The following CDK17 variants were observed in gnomAD, a reference collection of about 807,000 sequenced individuals.
CDK17 encodes cyclin dependent kinase 17.
CDK17 carries 24 observed loss-of-function variants against 77.6 expected under a neutral mutation model. The ratio of observed to expected loss-of-function variants is 0.31; its 90% CI spans 0.22 to 0.44. The LOEUF (loss-of-function observed/expected upper bound fraction) is 0.44, where lower values mean the gene tolerates loss of function less well. CDK17 is among the 20% of genes least tolerant of loss of function. CDK17 has a pLI of 1.00. For missense variants in CDK17, 429 were observed against 622.5 expected, an observed-to-expected ratio of 0.69 and a Z score of 3.31; for synonymous variants, 203 against 210.4, an observed-to-expected ratio of 0.96 and a Z score of 0.30.
chr12:96,280,843 T>C lies in CDK17; in HGVS notation c.1499A>G (p.Asp500Gly). The change falls in exon 16 of 17, where the codon GAC becomes GGC. Residue 500 changes from aspartate (D) to glycine (G), a missense_variant. By Grantham distance (94) the Asp-to-Gly change is moderately conservative. Coordinates refer to ENST00000261211, the MANE Select transcript of CDK17 (RefSeq NM_002595.5). ...ATAAGAAGAATTTCGAAAACCCGGG[T>C]CCTTTTGCAACTGAATCTCTTTCAA... is the stretch of plus-strand genomic sequence containing the variant. ...FSLKEIQLQK[D>G]PGFRNSSYPE... 1.9e-6 allele frequency: 3 copies of C among 1,613,770 alleles called. No homozygotes were observed. Among genetic ancestry groups the C allele is most frequent in the Non-Finnish European group, 2.5e-6 (3 of 1,179,830 alleles).
At chr12:96,398,137 G>GT (rs11432005) in intron 1 of CDK17, among the ~76,000 whole-genome samples, 68,716 of 150,940 alleles carry the variant, frequency 0.46, 16,592 homozygotes, top group African/African-American at 0.62. Context: ...AAAGACTCCC[G>GT]TTTTTTTTTA....
intron 1 of CDK17, among the ~76,000 whole-genome samples, chr12:96,380,293 T>G (rs1439335826): frequency 4.0e-5 from 6 of 151,230 alleles, no homozygotes; most frequent in African/African-American, 7.3e-5. Context: ...GTTTTTTTTT[T>G]TTTTTTTGAG....
At chr12:96,310,800 AG>A (rs1415400898) in intron 5 of CDK17, among the ~76,000 whole-genome samples, 1 of 150,382 alleles carries the variant, frequency 6.6e-6, no homozygotes, top group Non-Finnish European at 1.5e-5. Context: ...TTATCTACCT[AG>A]CATGTATTAA....
chr12:96,359,876 AC>A (rs1953466214), intron 1 of CDK17, among the ~76,000 whole-genome samples: 1 of 152,226 alleles, frequency 6.6e-6, no homozygotes, highest in Non-Finnish European at 1.5e-5. Context: ...AGAAATATTT[AC>A]TTTTTCCTCT....
At position 96,329,594 on chromosome 12, in the gene CDK17, T is replaced by A. The variant is rs114024805; in HGVS notation, c.118+5125A>T. 3.5e-3 allele frequency among the ~76,000 whole-genome samples: 534 copies of A among 152,324 alleles called. 2 individuals are homozygous for A. Among genetic ancestry groups the A allele is most frequent in the African/African-American group, 0.011 (458 of 41,576 alleles). Reference sequence around the variant, plus strand: ...ATTACTAGCCTGATCCCATTCTAGATCCTACATATATCCAATGGAGTTTAT... The same window carrying A: ...ATTACTAGCCTGATCCCATTCTAGAACCTACATATATCCAATGGAGTTTAT... On this transcript the variant is annotated intron_variant, in intron 2 of 16. Coordinates refer to ENST00000261211, the MANE Select transcript of CDK17 (RefSeq NM_002595.5).
chr12:96,344,825 T>C (rs1953177127), intron 1 of CDK17, among the ~76,000 whole-genome samples: 1 of 152,190 alleles, frequency 6.6e-6, no homozygotes, highest in African/African-American at 2.4e-5. Flanking sequence ...AATTATTTTA[T>C]TGTTGTTGTT....
At chr12:96,303,500 C>T (rs1952535525) in intron 5 of CDK17, 1 of 152,012 alleles carries the variant, frequency 6.6e-6, no homozygotes, top group Admixed American at 6.5e-5. Flanking sequence ...ATGATACTAT[C>T]ACTGCTCAAA....
At chr12:96,366,590 CTTGT>C (rs1394251748) in intron 1 of CDK17, among the ~76,000 whole-genome samples, 3 of 152,142 alleles carry the variant, frequency 2.0e-5, no homozygotes, top group Non-Finnish European at 2.9e-5. Context: ...GTACCTCATG[CTTGT>C]TTAAATTGTT....
At chr12:96,398,854 G>A (rs1213639208) in intron 1 of CDK17, among the ~76,000 whole-genome samples, 1 of 152,160 alleles carries the variant, frequency 6.6e-6, no homozygotes, top group African/African-American at 2.4e-5. Flanking sequence ...TGACCAACGA[G>A]GTGTCTTTGG....
chr12:96,290,030 A>C (rs1952302693), intron 10 of CDK17, among the ~76,000 whole-genome samples: 1 of 152,236 alleles, frequency 6.6e-6, no homozygotes, highest in Admixed American at 6.5e-5. Flanking sequence ...ACCTTTAAAA[A>C]AAAAAATCGC....
chr12:96,367,844 C>A lies in CDK17; in HGVS notation c.-30+32142G>T, dbSNP rs1204325645. The stretch of plus-strand genomic sequence containing the variant: ...CAGCCTGGACAACACAGCAAGTCCT[C>A]ATCTCTACTTAAAAAAAAAAAAAAA... On this transcript the variant is annotated intron_variant, in intron 1 of 16. Transcript: ENST00000261211. Among the ~76,000 whole-genome samples the A allele has an allele frequency of 5.6e-5, 8 of 143,934 alleles. No individual in the cohort carries two copies. In the East Asian group the frequency reaches 1.7e-3, roughly 30 times the overall value. The allele number at this position is 143,934 out of a possible 152,430, so 94.4% of individuals were successfully genotyped here. A position where few individuals can be genotyped will look rare whatever the true frequency, so the allele number is the denominator to read the frequency against.
intron 1 of CDK17, among the ~76,000 whole-genome samples, chr12:96,352,114 AG>A (rs1012789295): frequency 2.0e-5 from 3 of 152,180 alleles, no homozygotes; most frequent in African/African-American, 7.2e-5. Context: ...AGACTTTTCA[AG>A]GGGAACACGG....
At chr12:96,347,998 A>G (rs1953250045) in intron 1 of CDK17, among the ~76,000 whole-genome samples, 1 of 152,206 alleles carries the variant, frequency 6.6e-6, no homozygotes, top group Admixed American at 6.5e-5. Flanking sequence ...ACCCTCATGC[A>G]AATGAAAACA....
chr12:96,361,676 G>C (rs1024259519), intron 1 of CDK17, among the ~76,000 whole-genome samples: 2 of 152,102 alleles, frequency 1.3e-5, no homozygotes, highest in African/African-American at 4.8e-5. Flanking sequence ...ACCAAACTTT[G>C]AAAGAATGAC....
intron 1 of CDK17, among the ~76,000 whole-genome samples, chr12:96,366,103 C>A (rs1356792742): frequency 1.3e-5 from 2 of 152,154 alleles, no homozygotes; most frequent in Non-Finnish European, 2.9e-5. Context: ...GAAGAGATTT[C>A]AGACACCGGG....
chr12:96,368,799 T>C (rs1953635110), intron 1 of CDK17, among the ~76,000 whole-genome samples: 1 of 14,640 alleles, frequency 6.8e-5, no homozygotes, highest in South Asian at 4.0e-3. Flanking sequence ...AAGAAGCTAC[T>C]CTAAGACGGG....
chr12:96,293,950 GA>G (rs1175511468), intron 10 of CDK17, among the ~76,000 whole-genome samples: 1 of 152,138 alleles, frequency 6.6e-6, no homozygotes, highest in Admixed American at 6.6e-5. Flanking sequence ...TCTTTTCCTT[GA>G]AATGATAGGC....
At chr12:96,344,888 A>G (rs944382292) in intron 1 of CDK17, among the ~76,000 whole-genome samples, 2 of 152,062 alleles carry the variant, frequency 1.3e-5, no homozygotes, top group East Asian at 1.9e-4. Context: ...ACATAGGTAA[A>G]CATGTGCCAT....
chr12:96,346,930 G>C (rs924386209), intron 1 of CDK17, among the ~76,000 whole-genome samples: 1 of 151,708 alleles, frequency 6.6e-6, no homozygotes, highest in Admixed American at 6.6e-5. Context: ...AAAAAAGAGA[G>C]AGAAGCACTT....
Sources: allele counts gnomAD v4.1 joint callset (sites outside exome capture counted in the v4.1 genomes callset), GRCh38; gene constraint gnomAD v4.1.1; transcripts MANE v1.5; gene names NCBI Gene and HGNC (gene_info 2026-07-23, HGNC 2026-07-21).